The following SPAG17 variants were observed in gnomAD, a reference collection of about 807,000 sequenced individuals.
SPAG17 encodes sperm associated antigen 17.
SPAG17 carries 169 observed loss-of-function variants against 273.6 expected under a neutral mutation model. That is an observed-to-expected ratio of 0.62 (90% CI 0.55 to 0.70). SPAG17 has a LOEUF of 0.70. Ranked by LOEUF, SPAG17 falls within the 30% of genes least tolerant of loss-of-function variation. The pLI is 0.00. For missense variants in SPAG17, 2,557 were observed against 2,627.8 expected (o/e 0.97, Z 0.59); for synonymous variants, 825 against 873.2 (o/e 0.94, Z 0.97).
intron 20 of SPAG17, among the ~76,000 whole-genome samples, chr1:118,046,368 T>C (rs1650354538): frequency 6.6e-6 from 1 of 151,716 alleles, no homozygotes; most frequent in African/African-American, 2.4e-5. Context: ...AATAAATAAA[T>C]AAATGAAACA....
intron 1 of SPAG17, among the ~76,000 whole-genome samples, chr1:118,171,250 A>G (rs1385120282): frequency 6.6e-6 from 1 of 152,192 alleles, no homozygotes; most frequent in Admixed American, 6.5e-5. Context: ...TATGATTGTC[A>G]CAACTTACTG....
intron 1 of SPAG17, among the ~76,000 whole-genome samples, chr1:118,172,415 T>G (rs1262319696): frequency 1.3e-5 from 2 of 152,112 alleles, no homozygotes; most frequent in Non-Finnish European, 2.9e-5. Context: ...TTCTGTGCAT[T>G]TAATGTTTCC....
chr1:118,107,229 T>G (rs1219269512), intron 4 of SPAG17, among the ~76,000 whole-genome samples: 13 of 152,178 alleles, frequency 8.5e-5, no homozygotes. Flanking sequence ...CTGTCTTTGA[T>G]GCTCTCCTGA....
intron 6 of SPAG17, among the ~76,000 whole-genome samples, 159 bp downstream of exon 6, chr1:118,099,447 T>C (rs1409301597): frequency 6.6e-6 from 1 of 152,156 alleles, no homozygotes; most frequent in African/African-American, 2.4e-5. Flanking sequence ...TTTACAACAC[T>C]TGGCTGGTGC....
intron 48 of SPAG17, chr1:117,955,412 G>A: frequency 6.6e-7 from 1 of 1,506,788 alleles, no homozygotes; most frequent in Middle Eastern, 1.7e-4. Flanking sequence ...CATTTATGAA[G>A]TGCTTATCTG....
At chr1:118,106,130 TG>T (rs1424650658) in intron 4 of SPAG17, among the ~76,000 whole-genome samples, 1 of 152,224 alleles carries the variant, frequency 6.6e-6, no homozygotes, top group East Asian at 1.9e-4. Context: ...TTAATGCTGA[TG>T]GGTCTGTCCC....
At chr1:117,957,182 C>G (rs771756279) in intron 48 of SPAG17, 1 of 1,611,522 alleles carries the variant, frequency 6.2e-7, no homozygotes, top group Admixed American at 1.7e-5. Flanking sequence ...GCCGGTGCCT[C>G]TTCTTCCTCC....
intron 7 of SPAG17, among the ~76,000 whole-genome samples, chr1:118,095,728 A>G (rs1480248303): frequency 6.6e-6 from 1 of 152,204 alleles, no homozygotes; most frequent in Non-Finnish European, 1.5e-5. Flanking sequence ...TTTTTTTAGT[A>G]TAATCTAGAG....
chr1:117,954,053 C>T lies in SPAG17; in HGVS notation c.*1-4G>A, dbSNP rs1380430772. ...ATTGAGTTGTACCGAGAAGAAACTGCAAAAATGAAGGAACACAAAGCCATT... is the reference window on the plus strand; with the variant it reads ...ATTGAGTTGTACCGAGAAGAAACTGTAAAAATGAAGGAACACAAAGCCATT... On this transcript the variant is annotated splice_region_variant and splice_polypyrimidine_tract_variant and intron_variant, in intron 48 of 48. Transcript: ENST00000336338. 2 of 1,610,690 alleles carry T rather than the reference C, an allele frequency of 1.2e-6. No homozygotes were observed. The highest frequency in any genetic ancestry group is 1.3e-5 in the African/African-American group (1 of 74,666).
At chr1:118,014,537 C>CT (rs1433860864) in intron 29 of SPAG17, among the ~76,000 whole-genome samples, 2 of 152,088 alleles carry the variant, frequency 1.3e-5, no homozygotes, top group Non-Finnish European at 2.9e-5. Flanking sequence ...ATCATATGTA[C>CT]TTTGAGTCTT....
rs761861936 is a variant in SPAG17 at position 117,963,779 on chromosome 1, C to T, written c.*20G>A. ...ATTTGAATGCTTGACAATCAAATTC[C>T]CATTTATTACTTACTGTACCTAATG... is the stretch of plus-strand genomic sequence containing the variant. On this transcript the variant is annotated intron_variant, in intron 48 of 48. Transcript: ENST00000336338. 6.9e-6 allele frequency: 11 copies of T among 1,589,556 alleles called. No individual in the cohort carries two copies. The Admixed American group carries it at 1.9e-4, about 28-fold the overall frequency.
At chr1:118,075,085 T>C (rs1653967739) in intron 15 of SPAG17, among the ~76,000 whole-genome samples, 1 of 152,208 alleles carries the variant, frequency 6.6e-6, no homozygotes, top group South Asian at 2.1e-4. Context: ...GCACTTCCTA[T>C]TGGAAAATGA....
chr1:118,028,549 A>G (rs1270915774), intron 25 of SPAG17, among the ~76,000 whole-genome samples, 155 bp from the exon 26 acceptor site: 2 of 152,194 alleles, frequency 1.3e-5, no homozygotes, highest in African/African-American at 2.4e-5. Context: ...TGGTTTTGCA[A>G]TTTATATTCT....
intron 2 of SPAG17, among the ~76,000 whole-genome samples, 187 bp downstream of exon 2, chr1:118,151,042 T>C (rs1659349851): frequency 6.6e-6 from 1 of 152,184 alleles, no homozygotes. Context: ...ATTAACAAAA[T>C]TAATAAACAA....
rs994854323 is a variant in SPAG17 at position 117,988,089 on chromosome 1, T to C, written c.5621+16A>G. The C allele has an allele frequency of 3.2e-6, 5 of 1,581,660 alleles. No individual in the cohort carries two copies. The highest frequency in any genetic ancestry group is 4.3e-6 in the Non-Finnish European group (5 of 1,165,888). ...ATACCTAATACTAATTAGAACACAT[T>C]ATTGGATTAGCTTACCTCCATGTCT... On this transcript the variant is annotated intron_variant, in intron 39 of 48. Transcript: ENST00000336338.
At position 118,101,900 on chromosome 1, in the gene SPAG17, T is replaced by A. The variant is rs766830542; in HGVS notation, c.474A>T (p.Glu158Asp). ...KKVIEDKPKL[E>D]KDKGKAKSPK... ...GAGATTTTGCTTTCCCTTTATCCTT[T>A]TCTAACTTAGGTTTGTCTTCTATTA... Residue 158 changes from glutamate (E) to aspartate (D), a missense_variant, in exon 5 of 49, where the codon GAA becomes GAT. Glu to Asp is a conservative substitution (Grantham distance 45). Coordinates refer to ENST00000336338, the MANE Select transcript of SPAG17 (RefSeq NM_206996.4). 1 of 1,612,808 alleles carries A rather than the reference T, an allele frequency of 6.2e-7. No homozygotes were observed.
In SPAG17 at chr1:118,144,794, A is replaced by C. The variant is rs770199429; in HGVS notation, c.315+5749T>G. 2.8e-4 allele frequency among the ~76,000 whole-genome samples: 43 copies of C among 152,330 alleles called. 1 individual carries two copies. Among genetic ancestry groups the C allele is most frequent in the Admixed American group, 1.5e-3 (23 of 15,300 alleles). On this transcript the variant is annotated intron_variant, in intron 3 of 48. Transcript: ENST00000336338. The stretch of plus-strand genomic sequence containing the variant: ...GCCATAATAGCTTCAAAGAATTTCA[A>C]CAAGTTCCTAAGACATGACCTTCCC...
chr1:117,997,027 A>G (rs1374217879), intron 32 of SPAG17, among the ~76,000 whole-genome samples: 1 of 152,166 alleles, frequency 6.6e-6, no homozygotes, highest in Non-Finnish European at 1.5e-5. Context: ...CATACTGTGA[A>G]GATAGGTTCA....
chr1:118,071,706 T>A (rs1215258218), intron 17 of SPAG17, among the ~76,000 whole-genome samples: 1 of 151,852 alleles, frequency 6.6e-6, no homozygotes, highest in Non-Finnish European at 1.5e-5. Flanking sequence ...AATATAACTT[T>A]AGGAAATCAG....
Sources: gnomAD v4.1 joint callset for allele counts (sites outside exome capture counted in the v4.1 genomes callset) on GRCh38, gnomAD v4.1.1 for gene constraint, MANE v1.5 for transcripts, NCBI Gene and HGNC (gene_info 2026-07-23, HGNC 2026-07-21) for gene names.